The following GRM1 variants were observed in gnomAD, a reference collection of about 807,000 sequenced individuals.
The protein encoded by GRM1 is metabotropic glutamate receptor 1.
In GRM1, 33 loss-of-function variants were observed where a neutral mutation model predicts 90.9. That is an observed-to-expected ratio of 0.36 (90% confidence interval 0.28 to 0.49). The LOEUF (loss-of-function observed/expected upper bound fraction) is 0.49. GRM1 is among the 20% of genes least tolerant of loss of function. The pLI is 0.99. For missense variants in GRM1, 1,190 were observed against 1,534.3 expected (o/e 0.78, Z 3.75); for synonymous variants, 700 against 613.2 (o/e 1.14, Z -2.09).
At position 146,376,460 on chromosome 6, in the gene GRM1, G is replaced by T. The variant is rs1776102554; in HGVS notation, c.1603-10430G>T. On this transcript the variant is annotated intron_variant, in intron 5 of 7. Coordinates refer to ENST00000282753, the MANE Select transcript of GRM1 (RefSeq NM_001278064.2). ...TAAGTATTTCTTGTAGGATGGGTCT[G>T]GTATTGATTAAATCCCTCAGCTTTT... is the stretch of plus-strand genomic sequence containing the variant. Among the ~76,000 whole-genome samples, 3 of 152,020 alleles carry T rather than the reference G, an allele frequency of 2.0e-5. No homozygotes were observed. The South Asian group carries it at 6.2e-4, about 32-fold the overall frequency.
intron 1 of GRM1, among the ~76,000 whole-genome samples, chr6:146,080,810 G>T (rs577427133): frequency 7.9e-5 from 12 of 152,346 alleles, no homozygotes; most frequent in Admixed American, 3.9e-4. Context: ...TGTCTGGGCA[G>T]ACAAGGCTTA....
At chr6:146,406,430 T>G (rs1484211226) in intron 7 of GRM1, among the ~76,000 whole-genome samples, 1 of 152,204 alleles carries the variant, frequency 6.6e-6, no homozygotes, top group East Asian at 1.9e-4. Flanking sequence ...CAGTAAGATT[T>G]GAGAAGGGAC....
At chr6:146,228,052 G>T (rs1164437110) in intron 2 of GRM1, among the ~76,000 whole-genome samples, 39 of 152,050 alleles carry the variant, frequency 2.6e-4, no homozygotes, top group Non-Finnish European at 2.9e-5. Context: ...ATGGTAAATT[G>T]TACAAAATGT....
chr6:146,177,201 A>C (rs1041270566), intron 2 of GRM1, among the ~76,000 whole-genome samples: 1 of 152,114 alleles, frequency 6.6e-6, no homozygotes, highest in African/African-American at 2.4e-5. Context: ...CCTTTAGTCC[A>C]TTGTTTCAAT....
chr6:146,420,312 G>T (rs74448836), intron 7 of GRM1, among the ~76,000 whole-genome samples: 1 of 152,314 alleles, frequency 6.6e-6, no homozygotes, highest in Non-Finnish European at 1.5e-5. Flanking sequence ...TGCAGCAGAA[G>T]ACCAAAAATC....
At chr6:146,303,082 T>A (rs570987912) in intron 2 of GRM1, among the ~76,000 whole-genome samples, 38 of 152,168 alleles carry the variant, frequency 2.5e-4, no homozygotes, top group Non-Finnish European at 5.0e-4. Context: ...CAGCAACCCC[T>A]GATCTGTTGA....
intron 1 of GRM1, among the ~76,000 whole-genome samples, chr6:146,048,511 T>C (rs1482304574): frequency 1.3e-5 from 2 of 152,016 alleles, no homozygotes; most frequent in Non-Finnish European, 2.9e-5. Context: ...TTGCCCTCTG[T>C]TTTTGTTATG....
intron 2 of GRM1, among the ~76,000 whole-genome samples, chr6:146,161,520 A>G (rs967519016): frequency 2.7e-4 from 41 of 152,162 alleles, no homozygotes; most frequent in African/African-American, 9.9e-4. Flanking sequence ...GGTCAGCTAC[A>G]TGTGATGTCT....
chr6:146,038,478 G>C (rs1338253251), intron 1 of GRM1, among the ~76,000 whole-genome samples: 1 of 152,006 alleles, frequency 6.6e-6, no homozygotes, highest in Non-Finnish European at 1.5e-5. Context: ...TGTAATAGAT[G>C]TAAGATGTCA....
At position 146,029,962 on chromosome 6, in the gene GRM1, C is replaced by T. The variant is rs201784351; in HGVS notation, c.445C>T (p.Pro149Ser). Residue 149 changes from proline (P) to serine (S), a missense_variant, in exon 1 of 8, where the codon CCA becomes TCA. Pro to Ser is a moderately conservative substitution (Grantham distance 74). Transcript: ENST00000282753. ...RCLPDGQSLPPGRTKKPIAGV... is the reference protein window; with the variant it reads ...RCLPDGQSLPSGRTKKPIAGV... ...TCTGCCTGACGGCCAGTCCCTCCCC[C>T]CAGGCAGGACTAAGAAGCCCATTGC... The T allele has an allele frequency of 3.1e-6, 5 of 1,614,018 alleles. No individual in the cohort carries two copies. The highest frequency in any genetic ancestry group is 4.2e-6 in the Non-Finnish European group (5 of 1,179,916).
chr6:146,231,113 A>G (rs1256736056), intron 2 of GRM1, among the ~76,000 whole-genome samples: 1 of 152,164 alleles, frequency 6.6e-6, no homozygotes, highest in Non-Finnish European at 1.5e-5. Context: ...CCATGCCCAT[A>G]CAATGTGCAA....
chr6:146,157,136 A>C (rs1184847979), intron 1 of GRM1, among the ~76,000 whole-genome samples: 1 of 152,144 alleles, frequency 6.6e-6, no homozygotes, highest in African/African-American at 2.4e-5. Context: ...AAAAAGACAA[A>C]ATTTCTCAGG....
intron 1 of GRM1, among the ~76,000 whole-genome samples, chr6:146,048,588 G>C (rs1413246294): frequency 6.6e-6 from 1 of 151,876 alleles, no homozygotes. Context: ...CTCATAATAT[G>C]AGCTTATTTG....
At chr6:146,340,018 G>A (rs1784912610) in intron 3 of GRM1, among the ~76,000 whole-genome samples, 1 of 152,178 alleles carries the variant, frequency 6.6e-6, no homozygotes, top group Admixed American at 6.5e-5. Flanking sequence ...GTTTACATTA[G>A]CAGTTGCAGA....
intron 3 of GRM1, among the ~76,000 whole-genome samples, chr6:146,323,279 A>G (rs1784270479): frequency 6.6e-6 from 1 of 152,174 alleles, no homozygotes; most frequent in African/African-American, 2.4e-5. Flanking sequence ...AATGATTGCC[A>G]TTCTAACTGG....
At chr6:146,305,490 GA>G (rs1783543969) in intron 3 of GRM1, among the ~76,000 whole-genome samples, 1 of 152,326 alleles carries the variant, frequency 6.6e-6, no homozygotes, top group East Asian at 1.9e-4. Context: ...CCCAGATTCT[GA>G]AAACTGTAAC....
chr6:146,264,394 G>C (rs1009156544), intron 2 of GRM1, among the ~76,000 whole-genome samples: 9 of 152,014 alleles, frequency 5.9e-5, no homozygotes, highest in Non-Finnish European at 1.3e-4. Flanking sequence ...ATAAAAACAT[G>C]ACAGTAAGAT....
At chr6:146,315,220 A>G (rs921612932) in intron 3 of GRM1, among the ~76,000 whole-genome samples, 1 of 152,088 alleles carries the variant, frequency 6.6e-6, no homozygotes, top group African/African-American at 2.4e-5. Context: ...GAGGACATGG[A>G]AAAATGCCAT....
At chr6:146,177,247 A>G (rs1158284731) in intron 2 of GRM1, among the ~76,000 whole-genome samples, 2 of 152,150 alleles carry the variant, frequency 1.3e-5, no homozygotes, top group Non-Finnish European at 2.9e-5. Flanking sequence ...GGGAATAACT[A>G]GAACTGACAT....
Sources: gnomAD v4.1 joint callset for allele counts (sites outside exome capture counted in the v4.1 genomes callset) on GRCh38, gnomAD v4.1.1 for gene constraint, MANE v1.5 for transcripts, NCBI Gene and HGNC (gene_info 2026-07-23, HGNC 2026-07-21) for gene names.